The following ANAPC10 variants were observed in gnomAD, a reference collection of about 807,000 sequenced individuals.
ANAPC10 encodes anaphase promoting complex subunit 10.
Under a neutral mutation model 22.0 loss-of-function variants are expected in ANAPC10, and 12 were observed. The observed-to-expected ratio is 0.55, with a 90% CI of 0.35 to 0.88. ANAPC10 has a LOEUF of 0.88. ANAPC10 is among the 40% of genes least tolerant of loss of function. The pLI, the probability that ANAPC10 is intolerant of heterozygous loss-of-function variation, is 0.01. For synonymous variants in ANAPC10, 65 were observed against 69.5 expected (o/e 0.94, Z 0.32); for missense variants, 188 against 220.9 (o/e 0.85, Z 0.94).
intron 4 of ANAPC10, among the ~76,000 whole-genome samples, chr4:144,996,443 G>C (rs1731625507): frequency 6.6e-6 from 1 of 152,142 alleles, no homozygotes; most frequent in Non-Finnish European, 1.5e-5. Flanking sequence ...AGGGAGAAGG[G>C]AGACTTGGCG....
intron 2 of ANAPC10, among the ~76,000 whole-genome samples, chr4:145,082,511 G>A (rs947879434): frequency 6.6e-6 from 1 of 152,130 alleles, no homozygotes; most frequent in Non-Finnish European, 1.5e-5. Context: ...CAAGCTGATA[G>A]TAAAAATGAC....
At chr4:145,034,465 C>T (rs1210372216) in intron 4 of ANAPC10, among the ~76,000 whole-genome samples, 1 of 149,418 alleles carries the variant, frequency 6.7e-6, no homozygotes, top group Non-Finnish European at 1.5e-5. Context: ...CCTCAGCTTG[C>T]AGACAGCCTA....
chr4:145,029,275 A>G (rs992524362), intron 4 of ANAPC10, among the ~76,000 whole-genome samples: 28 of 152,034 alleles, frequency 1.8e-4, no homozygotes, highest in Admixed American at 4.6e-4. Context: ...GAGAAGATAA[A>G]CCCTGTGCTG....
intron 3 of ANAPC10, 112 bp from the exon 4 acceptor site, chr4:145,064,804 AAC>A (rs1743432036): frequency 2.7e-5 from 24 of 903,322 alleles, no homozygotes; most frequent in Non-Finnish European, 3.8e-5. Flanking sequence ...TATTTGAATC[AAC>A]ATTTTCATAT....
chr4:145,084,354 T>C (rs1746551916), intron 2 of ANAPC10, among the ~76,000 whole-genome samples: 1 of 152,126 alleles, frequency 6.6e-6, no homozygotes, highest in South Asian at 2.1e-4. Context: ...GATAAGCATA[T>C]AATGTCATGA....
intron 1 of ANAPC10, among the ~76,000 whole-genome samples, chr4:145,096,860 T>A (rs966649398): frequency 9.2e-5 from 14 of 152,042 alleles, no homozygotes; most frequent in Non-Finnish European, 1.3e-4. Context: ...AGATCCTCAT[T>A]TTAAATATTC....
chr4:145,008,979 A>G (rs1161665644), intron 4 of ANAPC10, among the ~76,000 whole-genome samples: 1 of 152,222 alleles, frequency 6.6e-6, no homozygotes, highest in Non-Finnish European at 1.5e-5. Context: ...CTGATAAGCA[A>G]CTTCAGCAGA....
chr4:145,055,637 TA>T (rs1741953719), intron 4 of ANAPC10, among the ~76,000 whole-genome samples: 1 of 152,072 alleles, frequency 6.6e-6, no homozygotes, highest in African/African-American at 2.4e-5. Context: ...TACATTATGC[TA>T]AGTGAAGTAA....
rs536139076 is a variant in ANAPC10, at chr4:145,064,470, T to C, written c.327+102A>G. On this transcript the variant is annotated intron_variant, in intron 4 of 4. Transcript: ENST00000507656. ...TGTTTTCTCCAATATTTTTCTCTTA[T>C]ATATTAACATTTTAACCTGTCTAAT... 44 of 893,046 alleles carry C rather than the reference T, an allele frequency of 4.9e-5. No individual in the cohort carries two copies. The South Asian group carries it at 1.1e-3, about 23-fold the overall frequency. The allele number at this position is 893,046 out of a possible 1,614,324, so 55.3% of individuals were successfully genotyped here.
At chr4:145,024,462 T>C (rs1280788988) in intron 4 of ANAPC10, among the ~76,000 whole-genome samples, 1 of 152,218 alleles carries the variant, frequency 6.6e-6, no homozygotes, top group Non-Finnish European at 1.5e-5. Flanking sequence ...AAATAACTCC[T>C]TCATCTATAA....
chr4:145,095,749 TTTATTA>T (rs1432022780), intron 2 of ANAPC10, among the ~76,000 whole-genome samples: 6 of 152,212 alleles, frequency 3.9e-5, no homozygotes, highest in African/African-American at 1.4e-4. Context: ...ATTGTTCTAT[TTTATTA>T]TTAATTATTG....
rs1553967000 is a variant in ANAPC10, at chr4:145,026,945, A to ATG, written c.328-31344_328-31343dup. The stretch of plus-strand genomic sequence containing the variant: ...CATATATATATATATATATATATAT[A>ATG]TGTGTGTGTGTGTATATATATATAT... On this transcript the variant is annotated intron_variant, in intron 4 of 4. Coordinates refer to ENST00000507656, the MANE Select transcript of ANAPC10 (RefSeq NM_001256706.2). Among the ~76,000 whole-genome samples the ATG allele has an allele frequency of 4.3e-3, 73 of 17,144 alleles. 2 individuals are homozygous for ATG. Among genetic ancestry groups the ATG allele is most frequent in the Non-Finnish European group, 5.8e-3 (49 of 8,450 alleles). 11.2% of individuals were successfully genotyped at this position (17,144 alleles called of 152,430 possible).
chr4:145,041,179 A>G (rs963248618), intron 4 of ANAPC10, among the ~76,000 whole-genome samples: 1 of 152,218 alleles, frequency 6.6e-6, no homozygotes, highest in East Asian at 1.9e-4. Context: ...TTTACTTTCA[A>G]AAGTGTTTAG....
At chr4:144,995,652 T>C in intron 4 of ANAPC10, 49 bp from the exon 5 acceptor site, 1 of 1,270,544 alleles carries the variant, frequency 7.9e-7, no homozygotes, top group Non-Finnish European at 1.1e-6. Context: ...ACAAATATAA[T>C]TTATAACAAT....
chr4:145,000,254 A>T (rs564976250), intron 4 of ANAPC10, among the ~76,000 whole-genome samples: 98 of 152,318 alleles, frequency 6.4e-4, no homozygotes, highest in African/African-American at 2.0e-3. Flanking sequence ...CTACCATTGG[A>T]GTGAAAAGGC....
rs550327624 is a variant in ANAPC10, at chr4:145,054,425, G to T, written c.327+10147C>A. 2.6e-5 allele frequency among the ~76,000 whole-genome samples: 4 copies of T among 151,460 alleles called. No individual in the cohort carries two copies. The South Asian group carries it at 8.4e-4, about 32-fold the overall frequency. On this transcript the variant is annotated intron_variant, in intron 4 of 4. Coordinates refer to ENST00000507656, the MANE Select transcript of ANAPC10 (RefSeq NM_001256706.2). ...TACAAAAAATTAGCCGGGCATGGTG[G>T]CAGGCGCCTGTAGTCCCAGCTACTT...
chr4:145,037,674 C>T (rs544229205), intron 4 of ANAPC10, among the ~76,000 whole-genome samples: 1 of 152,274 alleles, frequency 6.6e-6, no homozygotes, highest in South Asian at 2.1e-4. Context: ...AGGCGAGGCA[C>T]AATGGCTCAC....
intron 4 of ANAPC10, among the ~76,000 whole-genome samples, chr4:145,052,755 G>C (rs997842145): frequency 1.3e-5 from 2 of 151,916 alleles, no homozygotes; most frequent in African/African-American, 4.8e-5. Context: ...AGGTGTGGTG[G>C]TGCACACCTG....
chr4:145,038,065 T>C (rs1461211314), intron 4 of ANAPC10, among the ~76,000 whole-genome samples: 3 of 151,518 alleles, frequency 2.0e-5, no homozygotes, highest in Non-Finnish European at 4.4e-5. Flanking sequence ...CTGGGCCTGG[T>C]GGTTCACGCC....
Sources: gnomAD v4.1 joint callset for allele counts (sites outside exome capture counted in the v4.1 genomes callset) on GRCh38, gnomAD v4.1.1 for gene constraint, MANE v1.5 for transcripts, NCBI Gene and HGNC (gene_info 2026-07-23, HGNC 2026-07-21) for gene names.